The following DUSP8 variants were observed in gnomAD, a reference collection of about 807,000 sequenced individuals.
The protein encoded by DUSP8 is dual specificity phosphatase 8, also known as dual specificity protein phosphatase 8.
Under a neutral mutation model 38.7 loss-of-function variants are expected in DUSP8, and 15 were observed. The observed-to-expected ratio is 0.39, with a 90% CI of 0.26 to 0.60. The LOEUF (loss-of-function observed/expected upper bound fraction) is 0.60, where lower values mean the gene tolerates loss of function less well. Ranked by LOEUF, DUSP8 falls within the 20% of genes least tolerant of loss-of-function variation. The pLI, the probability that DUSP8 is intolerant of heterozygous loss-of-function variation, is 0.56. For synonymous variants in DUSP8, 458 were observed against 433.9 expected (o/e 1.06, Z -0.69); for missense variants, 768 against 915.0 (o/e 0.84, Z 2.07).
intron 3 of DUSP8, among the ~76,000 whole-genome samples, chr11:1,560,883 G>A (rs1848707804): frequency 6.6e-6 from 1 of 152,182 alleles, no homozygotes; most frequent in Non-Finnish European, 1.5e-5. Flanking sequence ...AGGAGGTGCT[G>A]GGGATTCCAT....
At chr11:1,570,322 A>G (rs956154179) in intron 1 of DUSP8, among the ~76,000 whole-genome samples, 2 of 152,170 alleles carry the variant, frequency 1.3e-5, no homozygotes, top group African/African-American at 4.8e-5. Context: ...CAACTCCGGC[A>G]GAGGGGGCCT....
In DUSP8 at chr11:1,558,031, G is replaced by C; in HGVS notation, c.697+81C>G. On this transcript the variant is annotated intron_variant, in intron 5 of 6. Transcript: ENST00000397374. This position sits in a 1 kb window ranked among gnomAD's most constrained non-coding sequence, Gnocchi z 6.3. Reference sequence around the variant, plus strand: ...CCAACAGTTCCGGCTACTTCCTGGGGACCCCTCCTGTGTCTGTGGCCACAC... The same window carrying C: ...CCAACAGTTCCGGCTACTTCCTGGGCACCCCTCCTGTGTCTGTGGCCACAC... 1 of 1,610,544 alleles carries C rather than the reference G, an allele frequency of 6.2e-7. No homozygotes were observed. The highest frequency in any genetic ancestry group is 8.5e-7 in the Non-Finnish European group (1 of 1,178,424).
In DUSP8 at chr11:1,560,064, G is replaced by A. The variant is rs1437400839; in HGVS notation, c.371-1009C>T. ...GACCACCGATGTGGACCAGAAACTG[G>A]GCAGCACCCACCTGGTGGCTGCCAG... On this transcript the variant is annotated intron_variant, in intron 3 of 6. Coordinates refer to ENST00000397374, the MANE Select transcript of DUSP8 (RefSeq NM_004420.3). Among the ~76,000 whole-genome samples the A allele has an allele frequency of 3.9e-5, 6 of 152,162 alleles. No homozygotes were observed. In the East Asian group the frequency reaches 1.2e-3, roughly 29 times the overall value.
Position 1,558,002 on chromosome 11 carries a change from A to G in DUSP8, c.698-85T>C, listed in dbSNP as rs1848662636. ...CCAGGTAGGGGACCCCACCCGCCCAACTGCCAACAGTTCCGGCTACTTCCT... is the reference window on the plus strand; with the variant it reads ...CCAGGTAGGGGACCCCACCCGCCCAGCTGCCAACAGTTCCGGCTACTTCCT... On this transcript the variant is annotated intron_variant, in intron 5 of 6. Transcript: ENST00000397374. This position sits in a 1 kb window ranked among gnomAD's most constrained non-coding sequence, Gnocchi z 6.3. 1.9e-6 allele frequency: 3 copies of G among 1,610,210 alleles called. No homozygotes were observed. The highest frequency in any genetic ancestry group is 3.5e-4 in the Middle Eastern group (2 of 5,704).
At chr11:1,563,829 G>A in intron 3 of DUSP8, 22 bp downstream of exon 3, 2 of 1,454,618 alleles carry the variant, frequency 1.4e-6, no homozygotes, top group East Asian at 2.6e-5. Flanking sequence ...GTGCCTCGGG[G>A]AGGCGTGGGT....
upstream of DUSP8, among the ~76,000 whole-genome samples, chr11:1,572,546 C>G (rs931179987): frequency 3.3e-5 from 5 of 151,808 alleles, no homozygotes; most frequent in African/African-American, 1.2e-4. The surrounding 1 kb of genome is among the most constrained non-coding windows in gnomAD (Gnocchi z 4.7). Context: ...CTCCAGGAAG[C>G]CCTCCCGGCC....
At position 1,554,798 on chromosome 11, in the gene DUSP8, A is replaced by G; in HGVS notation, c.*1720T>C. On this transcript the variant is annotated 3_prime_UTR_variant, in exon 7 of 7. Transcript: ENST00000397374. Reference sequence around the variant, plus strand: ...TATGGGAGGCAAATTTACATAATTAATAATAATTAACCAATAATAATAAAT... The same window carrying G: ...TATGGGAGGCAAATTTACATAATTAGTAATAATTAACCAATAATAATAAAT... The G allele has an allele frequency of 1.9e-6, 1 of 531,754 alleles. No individual in the cohort carries two copies. The highest frequency in any genetic ancestry group is 1.5e-4 in the East Asian group (1 of 6,790). The allele number at this position is 531,754 out of a possible 1,614,324, so 32.9% of individuals were successfully genotyped here. A position where few individuals can be genotyped will look rare whatever the true frequency, so the allele number is the denominator to read the frequency against.
Position 1,556,700 on chromosome 11 carries a change from GC to G in DUSP8, c.1695del (p.Glu565AspfsTer99). 4 of 1,265,446 alleles carry G rather than the reference GC, an allele frequency of 3.2e-6. No homozygotes were observed. The highest frequency in any genetic ancestry group is 4.0e-6 in the Non-Finnish European group (4 of 1,005,764). 78.4% of individuals were successfully genotyped at this position (1,265,446 alleles called of 1,614,324 possible). A position where few individuals can be genotyped will look rare whatever the true frequency, so the allele number is the denominator to read the frequency against. ...DLRRREAARA[E>X]PRDARTGWPE... ...GGCCAGCCGGTCCGCGCGTCCCGGG[GC>G]TCAGCCCTCGCTGCCTCCCGCCGCC... On this transcript the variant is annotated frameshift_variant, in exon 7 of 7. Transcript: ENST00000397374. LOFTEE classifies it high-confidence loss of function. The surrounding 1 kb of genome is among the most constrained non-coding windows in gnomAD (Gnocchi z 5.2).
At chr11:1,569,505 C>G (rs192915738) in intron 1 of DUSP8, among the ~76,000 whole-genome samples, 1 of 152,142 alleles carries the variant, frequency 6.6e-6, no homozygotes, top group Non-Finnish European at 1.5e-5. Flanking sequence ...TGGACATACA[C>G]TAGAGTACAC....
rs1848601307 is a variant in DUSP8, at chr11:1,555,077, G to A, written c.*1441C>T. 18 of 986,592 alleles carry A rather than the reference G, an allele frequency of 1.8e-5. No individual in the cohort carries two copies. The highest frequency in any genetic ancestry group is 3.5e-5 in the African/African-American group (2 of 57,198). The allele number at this position is 986,592 out of a possible 1,614,324, so 61.1% of individuals were successfully genotyped here. A position where few individuals can be genotyped will look rare whatever the true frequency, so the allele number is the denominator to read the frequency against. Reference sequence around the variant, plus strand: ...GGGTCCTGCCCTGGGCTGCCTCTCCGGCCAAGCCCCTGGCCTCTTCCCACA... The same window carrying A: ...GGGTCCTGCCCTGGGCTGCCTCTCCAGCCAAGCCCCTGGCCTCTTCCCACA... On this transcript the variant is annotated 3_prime_UTR_variant, in exon 7 of 7. Transcript: ENST00000397374.
intron 3 of DUSP8, among the ~76,000 whole-genome samples, chr11:1,559,831 G>C (rs1424389551): frequency 6.6e-6 from 1 of 152,200 alleles, no homozygotes; most frequent in Non-Finnish European, 1.5e-5. Context: ...AGGCTGGTGG[G>C]AGGAAGTCCC....
intron 1 of DUSP8, among the ~76,000 whole-genome samples, chr11:1,568,562 C>T (rs1253713958): frequency 6.6e-6 from 1 of 152,210 alleles, no homozygotes; most frequent in Non-Finnish European, 1.5e-5. Flanking sequence ...ACCGCTGCTC[C>T]TGCGGCAGCC....
intron 3 of DUSP8, among the ~76,000 whole-genome samples, chr11:1,561,551 A>G (rs537249007): frequency 1.3e-5 from 2 of 152,220 alleles, no homozygotes; most frequent in South Asian, 4.1e-4. Flanking sequence ...GCCCCCCAAC[A>G]TCGTGAGCAG....
intron 1 of DUSP8, among the ~76,000 whole-genome samples, chr11:1,571,150 C>T (rs891563614): frequency 3.3e-5 from 5 of 152,160 alleles, no homozygotes; most frequent in African/African-American, 1.2e-4. Flanking sequence ...TATTGTTGCC[C>T]CCTCCCCTCC....
intron 3 of DUSP8, among the ~76,000 whole-genome samples, chr11:1,560,144 G>T (rs961355906): frequency 8.5e-5 from 13 of 152,146 alleles, no homozygotes; most frequent in Non-Finnish European, 1.6e-4. Context: ...ACACCTTCCA[G>T]AACATAAGCC....
chr11:1,567,609 T>C (rs1186097934), intron 1 of DUSP8, among the ~76,000 whole-genome samples: 1 of 152,240 alleles, frequency 6.6e-6, no homozygotes, highest in African/African-American at 2.4e-5. Flanking sequence ...CCCAGGCTTC[T>C]GTGCATTCCC....
At chr11:1,561,776 A>G (rs1006703219) in intron 3 of DUSP8, among the ~76,000 whole-genome samples, 1 of 152,190 alleles carries the variant, frequency 6.6e-6, no homozygotes, top group Non-Finnish European at 1.5e-5. Context: ...GGGATCCTGG[A>G]ACATCCCTTC....
At chr11:1,569,487 G>A (rs1848855472) in intron 1 of DUSP8, among the ~76,000 whole-genome samples, 1 of 152,104 alleles carries the variant, frequency 6.6e-6, no homozygotes, top group Admixed American at 6.5e-5. Flanking sequence ...ATGTGCACAC[G>A]CGTGGGCTGG....
Position 1,557,150 on chromosome 11 carries a change from G to A in DUSP8, c.1246C>T (p.Pro416Ser). ...RRPDGPGPPD[P>S]GEAPKLCKLD... is the part of the protein sequence containing the mutation. ...TTGCAGAGCTTCGGGGCCTCGCCGGGGTCGGGGGGCCCGGGGCCGTCGGGC... is the reference window on the plus strand; with the variant it reads ...TTGCAGAGCTTCGGGGCCTCGCCGGAGTCGGGGGGCCCGGGGCCGTCGGGC... The change falls in exon 7 of 7, where the codon CCC (proline) becomes TCC (serine). Residue 416 changes from proline (P) to serine (S), a missense_variant. Pro to Ser is a moderately conservative substitution (Grantham distance 74). Around this residue, in one of 3 missense-constraint regions of DUSP8, gnomAD observed 474 missense variants for 430.8 expected, o/e 1.10. Transcript: ENST00000397374. The surrounding 1 kb of genome is among the most constrained non-coding windows in gnomAD (Gnocchi z 9.9). 2 of 1,435,172 alleles carry A rather than the reference G, an allele frequency of 1.4e-6. No individual in the cohort carries two copies. Among genetic ancestry groups the A allele is most frequent in the South Asian group, 1.4e-5 (1 of 71,076 alleles). 88.9% of individuals were successfully genotyped at this position (1,435,172 alleles called of 1,614,324 possible).
Sources: gnomAD v4.1 joint callset for allele counts (sites outside exome capture counted in the v4.1 genomes callset) on GRCh38, gnomAD v4.1.1 for gene constraint, gnomAD v4.1.1 regional missense constraint, Gnocchi (gnomAD v3.1) non-coding constraint, MANE v1.5 for transcripts, NCBI Gene and HGNC (gene_info 2026-07-23, HGNC 2026-07-21) for gene names.